The following S100A16 variants were observed in gnomAD, a reference collection of about 807,000 sequenced individuals.
S100A16 encodes S100 calcium binding protein A16.
Under a neutral mutation model 9.0 loss-of-function variants are expected in S100A16, and 8 were observed. That is an observed-to-expected ratio of 0.89 (90% CI 0.52 to 1.60). S100A16 has a LOEUF of 1.60. S100A16 is among the 40% of genes most tolerant of loss of function. The pLI is 0.00. For missense variants in S100A16, 138 were observed against 132.4 expected (o/e 1.04, Z -0.21); for synonymous variants, 51 against 51.4 (o/e 0.99, Z 0.04).
Position 153,607,617 on chromosome 1 carries a change from C to T in S100A16, c.229G>A (p.Asp77Asn), listed in dbSNP as rs776286610. ...DANHDGRISF[D>N]EYWTLIGGIT... Reference sequence around the variant, plus strand: ...CCGCCTATCAAGGTCCAGTACTCATCGAAGCTGATGCGCCCATCATGATTG... The same window carrying T: ...CCGCCTATCAAGGTCCAGTACTCATTGAAGCTGATGCGCCCATCATGATTG... Residue 77 changes from aspartate to asparagine, a missense_variant, in exon 3 of 3, where the codon GAT becomes AAT. Transcript: ENST00000368706. 4.8e-5 allele frequency: 77 copies of T among 1,614,068 alleles called. No homozygotes were observed. The highest frequency in any genetic ancestry group is 6.1e-5 in the Non-Finnish European group (72 of 1,180,024).
chr1:153,606,983 G>A lies in S100A16; in HGVS notation c.*551C>T, dbSNP rs138505639. The A allele has an allele frequency of 3.8e-6, 1 of 259,778 alleles. No homozygotes were observed. Among genetic ancestry groups the A allele is most frequent in the African/African-American group, 2.3e-5 (1 of 44,426 alleles). 16.1% of individuals were successfully genotyped at this position (259,778 alleles called of 1,614,324 possible). A position where few individuals can be genotyped will look rare whatever the true frequency, so the allele number is the denominator to read the frequency against. On this transcript the variant is annotated 3_prime_UTR_variant, in exon 3 of 3. Transcript: ENST00000368706. The stretch of plus-strand genomic sequence containing the variant: ...TATATCATCATTATTTCAAGCAACA[G>A]GAGGAGGCTCAGCCTTGCTTAGCTC...
Position 153,608,178 on chromosome 1 carries a change from C to A in S100A16, c.-26-1G>T. The A allele has an allele frequency of 6.2e-7, 1 of 1,610,434 alleles. No homozygotes were observed. The highest frequency in any genetic ancestry group is 8.5e-7 in the Non-Finnish European group (1 of 1,179,596). On this transcript the variant is annotated splice_acceptor_variant, in intron 1 of 2. Coordinates refer to ENST00000368706, the MANE Select transcript of S100A16 (RefSeq NM_080388.3). LOFTEE classifies it low-confidence loss of function (5UTR_SPLICE). ...TCCCTGCTTCGCCTGCTGGCGGGGC[C>A]TGGACACCAGGAGGAGGGGAGATGA...
rs981900540 is a variant in S100A16 at position 153,612,971 on chromosome 1, C to T, written c.-46G>A. 6.5e-6 allele frequency: 1 copy of T among 152,718 alleles called. No homozygotes were observed. Among genetic ancestry groups the T allele is most frequent in the African/African-American group, 2.4e-5 (1 of 41,474 alleles). The allele number at this position is 152,718 out of a possible 1,614,324, so 9.5% of individuals were successfully genotyped here. On this transcript the variant is annotated 5_prime_UTR_variant, in exon 1 of 3. Transcript: ENST00000368706. Reference sequence around the variant, plus strand: ...GCTCACCTGCTGCCTCAGTCTGCCTCCTCTCCAGCAGGGCTCTGGGGCCTG... The same window carrying T: ...GCTCACCTGCTGCCTCAGTCTGCCTTCTCTCCAGCAGGGCTCTGGGGCCTG...
chr1:153,610,131 T>A (rs1666801508), intron 1 of S100A16, among the ~76,000 whole-genome samples: 2 of 152,264 alleles, frequency 1.3e-5, no homozygotes, highest in South Asian at 4.1e-4. Flanking sequence ...GTTCAACCTG[T>A]GGTCTGTCTG....
rs1411399118 is a variant in S100A16, at chr1:153,607,137, C to T, written c.*397G>A. On this transcript the variant is annotated 3_prime_UTR_variant, in exon 3 of 3. Transcript: ENST00000368706. ...GCTGCTGCTGCTGTTGCTGCTACCA[C>T]TGCCACCAAGAGCAGGGAGACCTCA... The T allele has an allele frequency of 4.4e-6, 2 of 454,364 alleles. No individual in the cohort carries two copies. The highest frequency in any genetic ancestry group is 8.8e-6 in the Non-Finnish European group (2 of 227,164). The allele number at this position is 454,364 out of a possible 1,614,324, so 28.1% of individuals were successfully genotyped here.
chr1:153,610,254 C>T (rs1666804178), intron 1 of S100A16, among the ~76,000 whole-genome samples: 2 of 152,148 alleles, frequency 1.3e-5, no homozygotes, highest in African/African-American at 2.4e-5. Flanking sequence ...CCAACCAAGA[C>T]TTGGAAGTGG....
At chr1:153,611,027 G>A (rs1666823406) in intron 1 of S100A16, among the ~76,000 whole-genome samples, 1 of 152,030 alleles carries the variant, frequency 6.6e-6, no homozygotes. Flanking sequence ...GGAATGGGAG[G>A]ACCACGTGTC....
intron 2 of S100A16, 50 bp from the exon 3 acceptor site, chr1:153,607,742 A>G (rs1314111735): frequency 6.2e-7 from 1 of 1,608,330 alleles, no homozygotes; most frequent in African/African-American, 1.3e-5. Context: ...CCCCAGAGAG[A>G]CTCCAGGCAG....
intron 1 of S100A16, among the ~76,000 whole-genome samples, chr1:153,608,493 C>G (rs774561466): frequency 6.6e-6 from 1 of 152,126 alleles, no homozygotes; most frequent in Non-Finnish European, 1.5e-5. Context: ...GGGCAAGAGG[C>G]TCTCATGGGA....
intron 1 of S100A16, among the ~76,000 whole-genome samples, chr1:153,610,765 T>C (rs539470679): frequency 2.6e-5 from 4 of 152,218 alleles, no homozygotes; most frequent in African/African-American, 9.6e-5. Context: ...TATCCTCCTC[T>C]GCCTCCCTCC....
intron 1 of S100A16, among the ~76,000 whole-genome samples, chr1:153,611,483 A>G (rs1046065683): frequency 6.6e-6 from 1 of 151,808 alleles, no homozygotes; most frequent in Admixed American, 6.6e-5. Context: ...CTAAGTATGG[A>G]TTCTCTGTGT....
chr1:153,608,481 C>T (rs1282489303), intron 1 of S100A16, among the ~76,000 whole-genome samples: 5 of 152,186 alleles, frequency 3.3e-5, no homozygotes, highest in Non-Finnish European at 5.9e-5. Flanking sequence ...CAGAGCCCTA[C>T]GGGGCAAGAG....
intron 2 of S100A16, 126 bp from the exon 3 acceptor site, chr1:153,607,818 C>T (rs1666731050): frequency 7.6e-7 from 1 of 1,310,046 alleles, no homozygotes; most frequent in African/African-American, 1.5e-5. Context: ...CAAATATAGC[C>T]CTCACTGGCT....
At chr1:153,609,096 C>G (rs1356854750) in intron 1 of S100A16, 1 of 985,642 alleles carries the variant, frequency 1.0e-6, no homozygotes. Flanking sequence ...GGCCCATGCC[C>G]AAAACCCCCC....
chr1:153,609,766 C>T (rs1176808978), intron 1 of S100A16, among the ~76,000 whole-genome samples: 2 of 152,160 alleles, frequency 1.3e-5, no homozygotes, highest in Admixed American at 6.5e-5. Flanking sequence ...GCCCTGATAA[C>T]GGGTATTGCA....
intron 1 of S100A16, among the ~76,000 whole-genome samples, chr1:153,610,937 A>G (rs1666820755): frequency 6.6e-6 from 1 of 152,034 alleles, no homozygotes; most frequent in Non-Finnish European, 1.5e-5. Flanking sequence ...GTCAAGCAGG[A>G]GGTCGTTCCT....
At chr1:153,609,434 C>T in intron 1 of S100A16, 1 of 887,180 alleles carries the variant, frequency 1.1e-6, no homozygotes. Context: ...TGCCTTGACC[C>T]CTGCACTGGG....
chr1:153,612,644 G>C (rs182418078), intron 1 of S100A16, among the ~76,000 whole-genome samples: 1 of 152,002 alleles, frequency 6.6e-6, no homozygotes, highest in South Asian at 2.1e-4. Context: ...GGGGAGGATC[G>C]AGTAGCTGTG....
chr1:153,609,778 G>A (rs1026020511), intron 1 of S100A16, among the ~76,000 whole-genome samples: 7 of 152,086 alleles, frequency 4.6e-5, no homozygotes, highest in Non-Finnish European at 7.4e-5. Flanking sequence ...GGTATTGCAC[G>A]TCCTTGACCA....
Sources: allele counts gnomAD v4.1 joint callset (sites outside exome capture counted in the v4.1 genomes callset), GRCh38; gene constraint gnomAD v4.1.1; transcripts MANE v1.5; gene names NCBI Gene and HGNC (gene_info 2026-07-23, HGNC 2026-07-21).